The following FGF14 variants were observed in gnomAD, a reference collection of about 807,000 sequenced individuals.
The protein encoded by FGF14 is fibroblast growth factor 14, also known as fibroblast growth factor homologous factor 4.
A neutral mutation model predicts 25.5 loss-of-function variants in FGF14; 5 were observed. That is an observed-to-expected ratio of 0.20 (90% CI 0.10 to 0.41). The LOEUF is 0.41. Ranked by LOEUF, FGF14 falls within the 10% of genes least tolerant of loss-of-function variation. The pLI, the probability that FGF14 is intolerant of heterozygous loss-of-function variation, is 1.00. For missense variants in FGF14, 222 were observed against 320.1 expected, an observed-to-expected ratio of 0.69 and a Z score of 2.34; for synonymous variants, 138 against 118.3, an observed-to-expected ratio of 1.17 and a Z score of -1.08.
intron 1 of FGF14, among the ~76,000 whole-genome samples, chr13:102,336,129 G>C (rs1013952798): frequency 6.6e-6 from 1 of 152,142 alleles, no homozygotes; most frequent in Non-Finnish European, 1.5e-5. Flanking sequence ...TAAAAAGCTA[G>C]AAATGATTAA....
chr13:102,250,582 C>G (rs962879736), intron 1 of FGF14, among the ~76,000 whole-genome samples: 2 of 152,122 alleles, frequency 1.3e-5, no homozygotes, highest in African/African-American at 4.8e-5. Context: ...TTATGTTCCC[C>G]TTCTGGGAAA....
chr13:102,010,544 G>A (rs73571546), intron 1 of FGF14, among the ~76,000 whole-genome samples: 4,810 of 152,124 alleles, frequency 0.032, 243 homozygotes, highest in African/African-American at 0.11. Context: ...GCTTTTATTT[G>A]CACAATATGT....
intron 3 of FGF14, among the ~76,000 whole-genome samples, chr13:101,756,989 T>G (rs1321777193): frequency 6.6e-6 from 1 of 152,202 alleles, no homozygotes; most frequent in African/African-American, 2.4e-5. Flanking sequence ...CAAAAAAATA[T>G]TTATTGAGGT....
chr13:102,361,697 T>C (rs1251018073), intron 1 of FGF14, among the ~76,000 whole-genome samples: 1 of 152,210 alleles, frequency 6.6e-6, no homozygotes, highest in Non-Finnish European at 1.5e-5. Context: ...TCCAAACTTT[T>C]GTCTTTACCT....
chr13:102,275,262 T>TC (rs1555391875), intron 1 of FGF14, among the ~76,000 whole-genome samples: 3,743 of 68,816 alleles, frequency 0.054, 352 homozygotes, highest in East Asian at 0.088. Flanking sequence ...CTCTCTCTCT[T>TC]TCTCTCTCTC....
chr13:102,356,928 C>CATATATATATATATATAT (rs3066054), intron 1 of FGF14, among the ~76,000 whole-genome samples: 3 of 142,014 alleles, frequency 2.1e-5, no homozygotes, highest in African/African-American at 7.8e-5. Context: ...CTATAAAATG[C>CATATATATATATATATAT]ATATATATAT....
rs766333341 is a variant in FGF14, at chr13:102,143,538, GA to G, written c.208+257932del. On this transcript the variant is annotated intron_variant, in intron 1 of 4. Coordinates refer to the FGF14 transcript ENST00000376131. ...ATTGCCAATTCATTCTCCCTGAGGG[GA>G]AAAAAATACACACTTGTTTTTCGTC... Among the ~76,000 whole-genome samples the G allele has an allele frequency of 6.6e-5, 10 of 151,920 alleles. No homozygotes were observed. In the East Asian group the frequency reaches 1.2e-3, roughly 18 times the overall value.
At chr13:102,054,900 CTA>C (rs900166277) in intron 1 of FGF14, among the ~76,000 whole-genome samples, 1 of 152,194 alleles carries the variant, frequency 6.6e-6, no homozygotes, top group Admixed American at 6.5e-5. Context: ...TCCTCTGAAA[CTA>C]TCACTCCCGC....
rs184487520 is a variant in FGF14 at position 101,987,873 on chromosome 13, T to C, written c.209-112577A>G. The stretch of plus-strand genomic sequence containing the variant: ...CTCCACCACAGCATGAGATCCTAAG[T>C]GCAGAGGTGTATACTATGTTTATGG... On this transcript the variant is annotated intron_variant, in intron 1 of 4. Transcript: ENST00000376131. 6.6e-5 allele frequency among the ~76,000 whole-genome samples: 10 copies of C among 152,208 alleles called. No homozygotes were observed. The East Asian group carries it at 1.9e-3, about 29-fold the overall frequency.
At chr13:102,145,264 C>T (rs563125068) in intron 1 of FGF14, among the ~76,000 whole-genome samples, 5 of 152,108 alleles carry the variant, frequency 3.3e-5, no homozygotes, top group African/African-American at 9.6e-5. Context: ...ATTTAGAAAT[C>T]GGCATGAGAC....
At chr13:101,930,801 A>G (rs2034702432) in intron 1 of FGF14, among the ~76,000 whole-genome samples, 1 of 152,224 alleles carries the variant, frequency 6.6e-6, no homozygotes, top group African/African-American at 2.4e-5. Context: ...TCCAGAGGCT[A>G]GTTTGTTAAA....
Position 102,360,053 on chromosome 13 carries a change from G to A in FGF14, c.208+41418C>T, listed in dbSNP as rs537848250. Among the ~76,000 whole-genome samples the A allele has an allele frequency of 4.6e-5, 7 of 152,252 alleles. No individual in the cohort carries two copies. The South Asian group carries it at 1.4e-3, about 32-fold the overall frequency. ...CAAAGCTAAAGAGCTATAAATATCAGAAGTAGCTATAACACATAAAAATAT... is the reference window on the plus strand; with the variant it reads ...CAAAGCTAAAGAGCTATAAATATCAAAAGTAGCTATAACACATAAAAATAT... On this transcript the variant is annotated intron_variant, in intron 1 of 4. Transcript: ENST00000376131.
At chr13:102,216,735 T>C (rs1302498144) in intron 1 of FGF14, among the ~76,000 whole-genome samples, 1 of 137,750 alleles carries the variant, frequency 7.3e-6, no homozygotes, top group African/African-American at 3.0e-5. Flanking sequence ...AACTATGCAA[T>C]AGACCACCAG....
intron 1 of FGF14, among the ~76,000 whole-genome samples, chr13:102,238,408 G>A (rs142471355): frequency 9.2e-5 from 14 of 151,974 alleles, no homozygotes; most frequent in Non-Finnish European, 1.6e-4. Flanking sequence ...TTTGTTTTCC[G>A]GACTGTTACT....
At position 101,715,053 on chromosome 13, in the gene FGF14, T is replaced by C. The variant is rs1469855; in HGVS notation, c.*7778A>G. 0.15 allele frequency: 24,447 copies of C among 164,030 alleles called. 2,267 individuals are homozygous for C. The highest frequency in any genetic ancestry group is 0.42 in the East Asian group (2,411 of 5,716). The allele number at this position is 164,030 out of a possible 1,614,324, so 10.2% of individuals were successfully genotyped here. A position where few individuals can be genotyped will look rare whatever the true frequency, so the allele number is the denominator to read the frequency against. ...TGAGTCCTCATAATTGGTTATAAAT[T>C]CATTTGTTTAGCCAAGTTACGAGGA... On this transcript the variant is annotated 3_prime_UTR_variant, in exon 5 of 5. Coordinates refer to ENST00000376143, the MANE Select transcript of FGF14 (RefSeq NM_004115.4).
intron 1 of FGF14, among the ~76,000 whole-genome samples, chr13:101,890,905 G>A (rs1019439486): frequency 1.3e-5 from 2 of 152,002 alleles, no homozygotes; most frequent in African/African-American, 4.8e-5. Context: ...GTTGGATAAG[G>A]TGCCTTACCT....
rs559674583 is a variant in FGF14 at position 102,081,588 on chromosome 13, A to T, written c.209-206292T>A. On this transcript the variant is annotated intron_variant, in intron 1 of 4. Transcript: ENST00000376131. The stretch of plus-strand genomic sequence containing the variant: ...AAAGATTTTCATCCCTGCTCTTTTT[A>T]AAAAAAAAATTGTGGCCTTATTATC... Among the ~76,000 whole-genome samples, 36 of 150,464 alleles carry T rather than the reference A, an allele frequency of 2.4e-4. 1 individual carries two copies. Among genetic ancestry groups the T allele is most frequent in the South Asian group, 8.4e-4 (4 of 4,754 alleles).
chr13:101,759,094 C>T (rs905510761), intron 3 of FGF14, among the ~76,000 whole-genome samples: 3 of 152,182 alleles, frequency 2.0e-5, no homozygotes, highest in South Asian at 2.1e-4. Context: ...ACAGAGTTAT[C>T]GTGAGTATTG....
At chr13:102,244,111 A>G (rs1253109728) in intron 1 of FGF14, among the ~76,000 whole-genome samples, 1 of 152,074 alleles carries the variant, frequency 6.6e-6, no homozygotes, top group Non-Finnish European at 1.5e-5. Flanking sequence ...GTTTTAAATG[A>G]GAGTACTACA....
Sources: gnomAD v4.1 joint callset for allele counts (sites outside exome capture counted in the v4.1 genomes callset) on GRCh38, gnomAD v4.1.1 for gene constraint, MANE v1.5 for transcripts, NCBI Gene and HGNC (gene_info 2026-07-23, HGNC 2026-07-21) for gene names.